Variants in DGKB observed in about 807,000 individuals in gnomAD.
DGKB encodes diacylglycerol kinase beta, also known as 90 kDa diacylglycerol kinase.
DGKB carries 67 observed loss-of-function variants against 114.3 expected under a neutral mutation model. The observed-to-expected ratio is 0.59, with a 90% CI of 0.48 to 0.72. The LOEUF is 0.72. Ranked by LOEUF, DGKB falls within the 30% of genes least tolerant of loss-of-function variation. The pLI, the probability that DGKB is intolerant of heterozygous loss-of-function variation, is 0.00. For missense variants in DGKB, 907 were observed against 975.2 expected (o/e 0.93, Z 0.93); for synonymous variants, 398 against 323.1 (o/e 1.23, Z -2.49).
At chr7:14,806,955 C>T (rs1470372551) in intron 2 of DGKB, among the ~76,000 whole-genome samples, 6 of 151,852 alleles carry the variant, frequency 4.0e-5, no homozygotes, top group African/African-American at 1.4e-4. Context: ...AACATGATAG[C>T]CTATTCTGCC....
chr7:14,910,558 A>G (rs1783949826), intron 1 of DGKB, among the ~76,000 whole-genome samples: 1 of 152,168 alleles, frequency 6.6e-6, no homozygotes, highest in African/African-American at 2.4e-5. Context: ...TATGATCAAC[A>G]AATAACACCT....
intron 23 of DGKB, among the ~76,000 whole-genome samples, chr7:14,313,738 T>A (rs926263077): frequency 2.0e-5 from 3 of 151,902 alleles, no homozygotes; most frequent in African/African-American, 7.3e-5. Context: ...CTTGCTTAGG[T>A]AAACAAAGCA....
Position 14,447,358 on chromosome 7 carries a change from G to A in DGKB, c.1835+30803C>T, listed in dbSNP as rs561213170. Among the ~76,000 whole-genome samples the A allele has an allele frequency of 3.3e-5, 5 of 152,048 alleles. No individual in the cohort carries two copies. In the East Asian group the frequency reaches 9.7e-4, roughly 30 times the overall value. On this transcript the variant is annotated intron_variant, in intron 21 of 25. Coordinates refer to ENST00000402815, the MANE Select transcript of DGKB (RefSeq NM_001350709.2). ...GTGTGCCTTATTCTTCTTGGTCATA[G>A]GACAATAACTTGGACCTCACTAAAC... is the stretch of plus-strand genomic sequence containing the variant.
chr7:14,428,078 A>T (rs1827855011), intron 21 of DGKB, among the ~76,000 whole-genome samples: 2 of 152,092 alleles, frequency 1.3e-5, no homozygotes, highest in Non-Finnish European at 2.9e-5. Context: ...AATAAAAAAT[A>T]TTCTGATTCT....
chr7:14,896,806 T>C (rs377119909), intron 1 of DGKB, among the ~76,000 whole-genome samples: 1 of 151,844 alleles, frequency 6.6e-6, no homozygotes. Flanking sequence ...TTTCAAGTCC[T>C]ATATCATCAA....
intron 1 of DGKB, among the ~76,000 whole-genome samples, chr7:14,850,575 G>A (rs1277313969): frequency 6.6e-6 from 1 of 152,092 alleles, no homozygotes; most frequent in Non-Finnish European, 1.5e-5. Flanking sequence ...ATGTCTGGTT[G>A]ATTACTTCTG....
chr7:14,508,387 G>C (rs544125107), intron 20 of DGKB, among the ~76,000 whole-genome samples: 1 of 152,124 alleles, frequency 6.6e-6, no homozygotes, highest in Non-Finnish European at 1.5e-5. Context: ...TCTTTAAAAG[G>C]CTCATTCATT....
At chr7:14,416,146 A>T (rs983959334) in intron 21 of DGKB, among the ~76,000 whole-genome samples, 4 of 151,782 alleles carry the variant, frequency 2.6e-5, no homozygotes, top group Admixed American at 2.0e-4. Flanking sequence ...AATTTGTTTG[A>T]GTTCATTGTA....
chr7:14,829,413 A>G lies in DGKB; in HGVS notation c.70+11781T>C, dbSNP rs1384411419. 3.3e-5 allele frequency among the ~76,000 whole-genome samples: 5 copies of G among 152,154 alleles called. No homozygotes were observed. The East Asian group carries it at 9.6e-4, about 29-fold the overall frequency. On this transcript the variant is annotated intron_variant, in intron 2 of 25. Transcript: ENST00000402815. ...CGGGAAAAGAAGTCACACACAAAGTATAAGCTTCTTTGACACTGGAAGGTT... is the reference window on the plus strand; with the variant it reads ...CGGGAAAAGAAGTCACACACAAAGTGTAAGCTTCTTTGACACTGGAAGGTT...
At chr7:14,182,408 C>G (rs1160563922) in intron 23 of DGKB, among the ~76,000 whole-genome samples, 1 of 151,786 alleles carries the variant, frequency 6.6e-6, no homozygotes, top group Non-Finnish European at 1.5e-5. Flanking sequence ...ATCTCTAAAT[C>G]AAAATTTTAA....
chr7:14,458,965 G>T (rs113079350), intron 21 of DGKB, among the ~76,000 whole-genome samples: 1 of 152,150 alleles, frequency 6.6e-6, no homozygotes, highest in Admixed American at 6.5e-5. Flanking sequence ...TGAAATTCTC[G>T]CTGTCAGCAC....
chr7:14,642,599 T>C (rs542167339), intron 13 of DGKB, among the ~76,000 whole-genome samples: 117 of 152,320 alleles, frequency 7.7e-4, no homozygotes, highest in Non-Finnish European at 1.3e-3. Flanking sequence ...AAATATTTTC[T>C]CTAATTGAAT....
chr7:14,935,135 G>A (rs1418284712), intron 1 of DGKB, among the ~76,000 whole-genome samples: 1 of 152,108 alleles, frequency 6.6e-6, no homozygotes, highest in African/African-American at 2.4e-5. Flanking sequence ...GACCGCAAAT[G>A]GTTTTCCAAT....
intron 21 of DGKB, among the ~76,000 whole-genome samples, chr7:14,438,505 T>A (rs770223440): frequency 6.6e-6 from 1 of 152,104 alleles, no homozygotes; most frequent in Non-Finnish European, 1.5e-5. Context: ...TGAGAACAAT[T>A]TACTGCCCAA....
chr7:14,489,031 T>C (rs1784242579), intron 20 of DGKB, among the ~76,000 whole-genome samples: 1 of 152,136 alleles, frequency 6.6e-6, no homozygotes, highest in Admixed American at 6.5e-5. Context: ...TGTCTTAACA[T>C]AGAATTAATC....
At chr7:14,162,028 A>G (rs1783978037) in intron 25 of DGKB, among the ~76,000 whole-genome samples, 1 of 152,200 alleles carries the variant, frequency 6.6e-6, no homozygotes, top group African/African-American at 2.4e-5. Context: ...TGTATTAGTG[A>G]TAAGCAGGCT....
intron 20 of DGKB, among the ~76,000 whole-genome samples, chr7:14,497,441 T>C (rs1785471455): frequency 6.6e-6 from 1 of 151,912 alleles, no homozygotes; most frequent in African/African-American, 2.4e-5. Context: ...GTTATACTTT[T>C]GGGATGACTT....
intron 20 of DGKB, among the ~76,000 whole-genome samples, chr7:14,485,749 G>A (rs1032914532): frequency 4.6e-5 from 7 of 151,492 alleles, no homozygotes; most frequent in Middle Eastern, 3.2e-3. Flanking sequence ...AAAAATACCC[G>A]GGCATGGTAG....
chr7:14,411,626 G>T, intron 21 of DGKB, among the ~76,000 whole-genome samples: 1 of 151,746 alleles, frequency 6.6e-6, no homozygotes. Flanking sequence ...TGCATAATAG[G>T]ATCATAACAA....
Sources: gnomAD v4.1 joint callset for allele counts (sites outside exome capture counted in the v4.1 genomes callset) on GRCh38, gnomAD v4.1.1 for gene constraint, MANE v1.5 for transcripts, NCBI Gene and HGNC (gene_info 2026-07-23, HGNC 2026-07-21) for gene names.